COL19A1: variants seen among roughly 807,000 people sequenced by gnomAD.
COL19A1 encodes collagen alpha-1(XIX) chain.
In COL19A1, 159 loss-of-function variants were observed where a neutral mutation model predicts 190.2. The ratio of observed to expected loss-of-function variants is 0.84; its 90% CI spans 0.73 to 0.95. COL19A1 has a LOEUF of 0.95. COL19A1 is among the 40% of genes least tolerant of loss of function. The probability of loss-of-function intolerance (pLI) is 0.00; values close to 1 mark genes in which losing one functional copy is unlikely to be tolerated. For synonymous variants in COL19A1, 509 were observed against 458.9 expected (o/e 1.11, Z -1.39); for missense variants, 1,418 against 1,431.9 (o/e 0.99, Z 0.16).
intron 9 of COL19A1, among the ~76,000 whole-genome samples, chr6:69,943,320 G>GCAAGT (rs1773590490): frequency 1.3e-5 from 2 of 152,058 alleles, no homozygotes; most frequent in African/African-American, 4.8e-5. Flanking sequence ...CTTGTCAGAT[G>GCAAGT]AATACCTTGC....
At position 70,151,399 on chromosome 6, in the gene COL19A1, T is replaced by A. The variant is rs1406230539; in HGVS notation, c.2040T>A (p.Ile680=). ...TGGTTTTATCTTCTTAACCACAGAT[T>A]GCACTTCCTCTCTTGGGAGACATCG... ...PGLPGPPGDP[I]ALPLLGDIGA... is the part of the protein sequence containing the mutation. Residue 680 remains isoleucine (I), a splice_region_variant and synonymous_variant, in exon 31 of 51, where the codon ATT becomes ATA. Coordinates refer to ENST00000620364, the MANE Select transcript of COL19A1 (RefSeq NM_001858.6). 3 of 1,612,586 alleles carry A rather than the reference T, an allele frequency of 1.9e-6. No homozygotes were observed. Among genetic ancestry groups the A allele is most frequent in the Admixed American group, 3.3e-5 (2 of 59,928 alleles).
chr6:70,124,970 T>C (rs749094104), intron 17 of COL19A1, among the ~76,000 whole-genome samples: 3 of 152,044 alleles, frequency 2.0e-5, no homozygotes, highest in Admixed American at 2.0e-4. Flanking sequence ...CCCATGCTTC[T>C]GTATTGTAAC....
At chr6:70,065,267 C>A (rs1781106144) in intron 14 of COL19A1, among the ~76,000 whole-genome samples, 1 of 152,040 alleles carries the variant, frequency 6.6e-6, no homozygotes, top group Non-Finnish European at 1.5e-5. Flanking sequence ...GAGATATAGA[C>A]CAACGGAACA....
At position 70,210,862 on chromosome 6, in the gene COL19A1, C is replaced by T. The variant is rs566081403; in HGVS notation, c.*3588C>T. Among the ~76,000 whole-genome samples, 4 of 152,050 alleles carry T rather than the reference C, an allele frequency of 2.6e-5. No individual in the cohort carries two copies. The highest frequency in any genetic ancestry group is 7.2e-5 in the African/African-American group (3 of 41,474). Reference sequence around the variant, plus strand: ...CCTAATTTTAAGCATCTTTATGAAACAGGCACAGTACCCTTTGGTTTGTTG... The same window carrying T: ...CCTAATTTTAAGCATCTTTATGAAATAGGCACAGTACCCTTTGGTTTGTTG... On this transcript the variant is annotated 3_prime_UTR_variant, in exon 51 of 51. Coordinates refer to ENST00000620364, the MANE Select transcript of COL19A1 (RefSeq NM_001858.6).
At chr6:70,164,432 G>T (rs186504492) in intron 36 of COL19A1, among the ~76,000 whole-genome samples, 4 of 152,114 alleles carry the variant, frequency 2.6e-5, no homozygotes, top group East Asian at 1.9e-4. Flanking sequence ...CCTGACCAAC[G>T]TGGAACATAA....
intron 4 of COL19A1, among the ~76,000 whole-genome samples, chr6:69,914,579 C>A (rs1291275041): frequency 6.6e-6 from 1 of 152,064 alleles, no homozygotes; most frequent in Non-Finnish European, 1.5e-5. Flanking sequence ...ATTTAAAAAT[C>A]GATTTTTTTC....
At chr6:69,928,119 G>T in intron 5 of COL19A1, 87 bp downstream of exon 5, 1 of 1,515,222 alleles carries the variant, frequency 6.6e-7, no homozygotes. Flanking sequence ...AAATTTGCGA[G>T]TAGATCTAGT....
chr6:70,174,983 T>C (rs565151136), intron 41 of COL19A1, among the ~76,000 whole-genome samples: 26 of 152,230 alleles, frequency 1.7e-4, no homozygotes, highest in African/African-American at 6.0e-4. Flanking sequence ...AAATAAGAGG[T>C]AAGTTCATTC....
intron 14 of COL19A1, among the ~76,000 whole-genome samples, chr6:70,037,642 A>T (rs910003586): frequency 3.3e-5 from 5 of 152,194 alleles, no homozygotes; most frequent in African/African-American, 1.2e-4. Flanking sequence ...TCAACTACTC[A>T]GTTATCTGAT....
At chr6:70,018,268 G>C (rs975751369) in intron 11 of COL19A1, among the ~76,000 whole-genome samples, 1 of 152,124 alleles carries the variant, frequency 6.6e-6, no homozygotes, top group Non-Finnish European at 1.5e-5. Flanking sequence ...GGAAAGGCTT[G>C]TATGATGGCT....
chr6:69,951,410 A>G (rs1774116610), intron 9 of COL19A1, among the ~76,000 whole-genome samples: 1 of 151,964 alleles, frequency 6.6e-6, no homozygotes, highest in Non-Finnish European at 1.5e-5. Context: ...TGATGATTCT[A>G]TTATTCTAGC....
intron 30 of COL19A1, among the ~76,000 whole-genome samples, chr6:70,150,258 T>G (rs574329069): frequency 6.6e-6 from 1 of 152,290 alleles, no homozygotes; most frequent in South Asian, 2.1e-4. Context: ...AAGGGCATAA[T>G]TCAACTGTAC....
At chr6:69,985,835 A>G (rs1776281417) in intron 11 of COL19A1, among the ~76,000 whole-genome samples, 1 of 152,160 alleles carries the variant, frequency 6.6e-6, no homozygotes, top group East Asian at 1.9e-4. Flanking sequence ...ATATCAGGGG[A>G]CATCTTAAAA....
intron 4 of COL19A1, among the ~76,000 whole-genome samples, chr6:69,923,789 A>G (rs544347636): frequency 1.2e-4 from 18 of 152,186 alleles, no homozygotes; most frequent in South Asian, 2.1e-4. Flanking sequence ...CAAGCAGAAC[A>G]TGAAGGCTAA....
intron 1 of COL19A1, among the ~76,000 whole-genome samples, chr6:69,872,369 T>A (rs1195153953): frequency 6.6e-6 from 1 of 152,104 alleles, no homozygotes. Context: ...TCAATAGATA[T>A]CAATAGAATA....
At chr6:70,001,627 C>T (rs6912522) in intron 11 of COL19A1, among the ~76,000 whole-genome samples, 2,107 of 152,114 alleles carry the variant, frequency 0.014, 43 homozygotes, top group East Asian at 0.069. Context: ...CTCTTTGTAA[C>T]GATTGTGAAT....
chr6:70,137,132 C>T (rs933147713), intron 18 of COL19A1, among the ~76,000 whole-genome samples: 2 of 152,134 alleles, frequency 1.3e-5, no homozygotes, highest in East Asian at 3.9e-4. Flanking sequence ...TTAGACATTT[C>T]TAAGCTACTG....
intron 11 of COL19A1, among the ~76,000 whole-genome samples, chr6:69,972,185 G>A (rs981397401): frequency 2.0e-5 from 3 of 152,088 alleles, no homozygotes; most frequent in Non-Finnish European, 2.9e-5. Flanking sequence ...TATCCACTTA[G>A]CACATCTTAA....
At chr6:69,992,687 T>C (rs1486858000) in intron 11 of COL19A1, among the ~76,000 whole-genome samples, 1 of 152,080 alleles carries the variant, frequency 6.6e-6, no homozygotes, top group Non-Finnish European at 1.5e-5. Flanking sequence ...GTTGGCCCTA[T>C]TCCCAGGTAT....
Sources: allele counts gnomAD v4.1 joint callset (sites outside exome capture counted in the v4.1 genomes callset), GRCh38; gene constraint gnomAD v4.1.1; transcripts MANE v1.5; gene names NCBI Gene and HGNC (gene_info 2026-07-23, HGNC 2026-07-21).